Variants in FER observed in about 807,000 individuals in gnomAD.
FER encodes tyrosine-protein kinase Fer.
FER carries 63 observed loss-of-function variants against 111.0 expected under a neutral mutation model. The observed-to-expected ratio is 0.57, with a 90% confidence interval of 0.46 to 0.70. The LOEUF (loss-of-function observed/expected upper bound fraction) is 0.70. Among genes scored for constraint, FER ranks in the 30% least tolerant of loss-of-function variants. The probability of loss-of-function intolerance (pLI) is 0.00; values close to 1 mark genes in which losing one functional copy is unlikely to be tolerated. For synonymous variants in FER, 327 were observed against 313.9 expected, an observed-to-expected ratio of 1.04 and a Z score of -0.44; for missense variants, 914 against 954.0, an observed-to-expected ratio of 0.96 and a Z score of 0.55.
chr5:108,773,328 G>C (rs1753130417), intron 2 of FER, among the ~76,000 whole-genome samples: 1 of 151,998 alleles, frequency 6.6e-6, no homozygotes, highest in African/African-American at 2.4e-5. Flanking sequence ...TATTCTTCCT[G>C]ATGCTCTCCC....
At chr5:108,942,715 A>C (rs1017409523) in intron 10 of FER, among the ~76,000 whole-genome samples, 5 of 152,318 alleles carry the variant, frequency 3.3e-5, no homozygotes, top group Non-Finnish European at 7.3e-5. Flanking sequence ...AATGAAGGAC[A>C]TACTGATATT....
Position 109,186,307 on chromosome 5 carries a change from G to A in FER, c.2311G>A (p.Glu771Lys), listed in dbSNP as rs1344912074. ...TGGAATGACAAATCAGCAAGCAAGA[G>A]AGCAAGTAGAAAGAGGTGAGCCAAG... ...YPGMTNQQAR[E>K]QVERGYRMSA... The change falls in exon 19 of 20, where the codon GAG (glutamate) becomes AAG (lysine). Residue 771 changes from glutamate to lysine, a missense_variant. This residue lies in a region of FER where 134 missense variants were observed against 149.4 expected (regional missense o/e 0.90). Transcript: ENST00000281092. The A allele has an allele frequency of 6.2e-7, 1 of 1,613,994 alleles. No homozygotes were observed. Among genetic ancestry groups the A allele is most frequent in the African/African-American group, 1.3e-5 (1 of 74,916 alleles).
At position 109,188,809 on chromosome 5, in the gene FER, C is replaced by T. The variant is rs1005054825; in HGVS notation, c.*1234C>T. ...CATACTTTCAGTTAAGCATTTTCAC[C>T]TTAGAGGGGGCATTCCAAAATGTAA... On this transcript the variant is annotated 3_prime_UTR_variant, in exon 20 of 20. Coordinates refer to ENST00000281092, the MANE Select transcript of FER (RefSeq NM_005246.4). 6.6e-5 allele frequency: 10 copies of T among 152,266 alleles called. No individual in the cohort carries two copies. Among genetic ancestry groups the T allele is most frequent in the African/African-American group, 2.2e-4 (9 of 41,540 alleles). The allele number at this position is 152,266 out of a possible 1,614,324, so 9.4% of individuals were successfully genotyped here. A position where few individuals can be genotyped will look rare whatever the true frequency, so the allele number is the denominator to read the frequency against.
chr5:108,809,998 C>T lies in FER; in HGVS notation c.207+11609C>T, dbSNP rs957896333. On this transcript the variant is annotated intron_variant, in intron 3 of 19. Coordinates refer to ENST00000281092, the MANE Select transcript of FER (RefSeq NM_005246.4). ...AGTGCCAGAATTCTTGTGCTGGTTC[C>T]TTCTCATCTAGAGGTGCTGGCACTT... Among the ~76,000 whole-genome samples, 5 of 152,284 alleles carry T rather than the reference C, an allele frequency of 3.3e-5. No homozygotes were observed. The South Asian group carries it at 6.2e-4, about 19-fold the overall frequency.
intron 13 of FER, among the ~76,000 whole-genome samples, chr5:109,030,976 C>G (rs529857258): frequency 6.6e-6 from 1 of 152,138 alleles, no homozygotes; most frequent in East Asian, 1.9e-4. Flanking sequence ...TGTCTGGGAT[C>G]TATCTTCCTG....
At chr5:109,052,012 C>G (rs1192977531) in intron 16 of FER, 2 of 1,588,602 alleles carry the variant, frequency 1.3e-6, no homozygotes, top group African/African-American at 2.7e-5. Flanking sequence ...CAGCAACCCC[C>G]CTTGCATTTT....
At chr5:108,949,293 G>C (rs1757414001) in intron 11 of FER, among the ~76,000 whole-genome samples, 1 of 151,936 alleles carries the variant, frequency 6.6e-6, no homozygotes, top group South Asian at 2.1e-4. Flanking sequence ...CTTTAATCAA[G>C]GCACGTTGTC....
chr5:108,881,385 C>T (rs1357280221), intron 8 of FER, among the ~76,000 whole-genome samples: 2 of 152,076 alleles, frequency 1.3e-5, no homozygotes, highest in African/African-American at 4.8e-5. Flanking sequence ...TTAAAACCAT[C>T]AGATTTCATG....
intron 10 of FER, chr5:108,924,528 G>A: frequency 9.5e-7 from 1 of 1,055,816 alleles, no homozygotes; most frequent in Non-Finnish European, 1.2e-6. Flanking sequence ...CATGCCAACA[G>A]GGGGAGATAG....
rs116607913 is a variant in FER at position 108,764,386 on chromosome 5, T to G, written c.-205-3707T>G. On this transcript the variant is annotated intron_variant, in intron 1 of 19. Coordinates refer to ENST00000281092, the MANE Select transcript of FER (RefSeq NM_005246.4). ...AACAATTTTATTTTATTTTTTAAAT[T>G]TAATTTTATTATTTATTTATTTATT... Among the ~76,000 whole-genome samples, 903 of 152,122 alleles carry G rather than the reference T, an allele frequency of 5.9e-3. 12 individuals carry two copies. Among genetic ancestry groups the G allele is most frequent in the African/African-American group, 0.021 (858 of 41,520 alleles).
chr5:109,058,962 A>T (rs1774022147), intron 16 of FER, among the ~76,000 whole-genome samples: 2 of 148,880 alleles, frequency 1.3e-5, no homozygotes, highest in Non-Finnish European at 3.0e-5. Context: ...CTGGTCTCGA[A>T]CTCCTGACCT....
At chr5:109,037,339 G>A (rs1275685742) in intron 13 of FER, 83 bp from the exon 14 acceptor site, 1 of 1,126,050 alleles carries the variant, frequency 8.9e-7, no homozygotes, top group African/African-American at 1.5e-5. Context: ...ATCCCTTTAG[G>A]TCGACTTTCC....
At chr5:108,907,425 C>G (rs1750944501) in intron 10 of FER, among the ~76,000 whole-genome samples, 1 of 151,952 alleles carries the variant, frequency 6.6e-6, no homozygotes, top group Non-Finnish European at 1.5e-5. Flanking sequence ...TTCCGAGTAG[C>G]TGGGATTACA....
intron 13 of FER, among the ~76,000 whole-genome samples, chr5:109,035,164 G>GGA (rs1770200556): frequency 6.6e-6 from 1 of 151,316 alleles, no homozygotes; most frequent in Non-Finnish European, 1.5e-5. Flanking sequence ...TTCCCAAATA[G>GGA]GTAGGACTGC....
At chr5:109,113,366 A>G (rs1235893540) in intron 17 of FER, among the ~76,000 whole-genome samples, 1 of 152,138 alleles carries the variant, frequency 6.6e-6, no homozygotes, top group Non-Finnish European at 1.5e-5. Context: ...CTACTCAAAT[A>G]TATTTCTTTT....
chr5:108,978,855 A>G (rs949197015), intron 13 of FER, among the ~76,000 whole-genome samples: 2 of 152,214 alleles, frequency 1.3e-5, no homozygotes, highest in African/African-American at 2.4e-5. Flanking sequence ...CCCTTAGATT[A>G]TAATTCTAGT....
At chr5:109,121,653 G>A (rs959846635) in intron 17 of FER, among the ~76,000 whole-genome samples, 5 of 151,974 alleles carry the variant, frequency 3.3e-5, no homozygotes, top group Non-Finnish European at 5.9e-5. Context: ...TTGGGGGGCA[G>A]GAATAGTTTC....
At chr5:108,767,555 G>A (rs1752457121) in intron 1 of FER, among the ~76,000 whole-genome samples, 1 of 152,104 alleles carries the variant, frequency 6.6e-6, no homozygotes, top group African/African-American at 2.4e-5. Flanking sequence ...CATGATCATG[G>A]CTCACTGCAG....
intron 17 of FER, among the ~76,000 whole-genome samples, chr5:109,160,072 T>A (rs1030041244): frequency 6.6e-6 from 1 of 152,168 alleles, no homozygotes; most frequent in Non-Finnish European, 1.5e-5. Flanking sequence ...CAAGTAAATA[T>A]TTAGTGAAAG....
Sources: allele counts gnomAD v4.1 joint callset (sites outside exome capture counted in the v4.1 genomes callset), GRCh38; gene constraint gnomAD v4.1.1; regional missense constraint gnomAD v4.1.1; transcripts MANE v1.5; gene names NCBI Gene and HGNC (gene_info 2026-07-23, HGNC 2026-07-21).